SUMF1: variants seen among roughly 807,000 people sequenced by gnomAD.
SUMF1 encodes the protein sulfatase modifying factor 1, also known as formylglycine-generating enzyme.
A neutral mutation model predicts 47.6 loss-of-function variants in SUMF1; 48 were observed. That is an observed-to-expected ratio of 1.01 (90% CI 0.80 to 1.28). SUMF1 has a LOEUF of 1.28. Ranked by LOEUF, SUMF1 falls within the 50% of genes most tolerant of loss-of-function variation. The probability of loss-of-function intolerance (pLI) is 0.00; values close to 1 mark genes in which losing one functional copy is unlikely to be tolerated. For synonymous variants in SUMF1, 230 were observed against 192.1 expected, an observed-to-expected ratio of 1.20 and a Z score of -1.63; for missense variants, 571 against 485.4, an observed-to-expected ratio of 1.18 and a Z score of -1.66.
chr3:4,310,758 A>G (rs1698373864), intron 8 of SUMF1, among the ~76,000 whole-genome samples: 1 of 152,184 alleles, frequency 6.6e-6, no homozygotes, highest in Admixed American at 6.5e-5. Flanking sequence ...GTTGATTTTA[A>G]AAGAAGTTAT....
At chr3:4,464,431 T>TGAGA (rs376795994) in intron 1 of SUMF1, among the ~76,000 whole-genome samples, 3 of 151,132 alleles carry the variant, frequency 2.0e-5, no homozygotes, top group African/African-American at 4.9e-5. Flanking sequence ...TGTGTGTGTG[T>TGAGA]GAGAGAGAGA....
At chr3:4,060,091 G>C (rs558370810) in intron 9 of SUMF1, among the ~76,000 whole-genome samples, 1 of 152,310 alleles carries the variant, frequency 6.6e-6, no homozygotes, top group East Asian at 1.9e-4. Context: ...ATTTGAAGCA[G>C]AGGCTGATAA....
chr3:4,107,919 G>T (rs1693195011), intron 8 of SUMF1, among the ~76,000 whole-genome samples: 2 of 151,930 alleles, frequency 1.3e-5, no homozygotes, highest in South Asian at 4.2e-4. Flanking sequence ...TGAGCTGTTT[G>T]GTGTGGTATT....
intron 8 of SUMF1, among the ~76,000 whole-genome samples, chr3:4,145,402 T>C (rs573164000): frequency 1.3e-5 from 2 of 152,182 alleles, no homozygotes; most frequent in African/African-American, 2.4e-5. Flanking sequence ...CCCCATTACT[T>C]TGTGGGAAAG....
chr3:4,354,674 G>A (rs1254781525), intron 8 of SUMF1, among the ~76,000 whole-genome samples: 1 of 152,026 alleles, frequency 6.6e-6, no homozygotes, highest in Non-Finnish European at 1.5e-5. Context: ...GCTTTTCTAT[G>A]CAGTCTCTTT....
intron 7 of SUMF1, among the ~76,000 whole-genome samples, chr3:4,399,647 C>T (rs1701145107): frequency 6.6e-6 from 1 of 152,158 alleles, no homozygotes; most frequent in South Asian, 2.1e-4. Flanking sequence ...CCAGGGAGAG[C>T]CCAGGTCATG....
chr3:4,154,452 T>C (rs1694407808), intron 8 of SUMF1, among the ~76,000 whole-genome samples: 1 of 151,644 alleles, frequency 6.6e-6, no homozygotes, highest in South Asian at 2.1e-4. Flanking sequence ...ACCAACTATG[T>C]TCCAGTCACT....
chr3:4,159,204 T>C (rs1231082553), intron 8 of SUMF1, among the ~76,000 whole-genome samples: 1 of 151,478 alleles, frequency 6.6e-6, no homozygotes, highest in East Asian at 1.9e-4. Context: ...CTGGTTGTTT[T>C]GCAGTCTCCT....
chr3:4,131,194 A>G (rs1361030927), intron 8 of SUMF1, among the ~76,000 whole-genome samples: 1 of 152,172 alleles, frequency 6.6e-6, no homozygotes, highest in Non-Finnish European at 1.5e-5. Context: ...GAAGTGTGTC[A>G]TGCGCAGTAA....
At chr3:4,112,730 A>T (rs529652093) in intron 8 of SUMF1, among the ~76,000 whole-genome samples, 1 of 152,256 alleles carries the variant, frequency 6.6e-6, no homozygotes, top group South Asian at 2.1e-4. Flanking sequence ...AAGTGGAAAC[A>T]GCTGGAGAAA....
At chr3:4,365,052 C>A (rs1419155968) in intron 8 of SUMF1, among the ~76,000 whole-genome samples, 2 of 151,664 alleles carry the variant, frequency 1.3e-5, no homozygotes, top group African/African-American at 4.8e-5. Flanking sequence ...ATCCTGAGTT[C>A]TAGTTTGATT....
At chr3:4,296,227 G>A (rs1046176246) in intron 8 of SUMF1, among the ~76,000 whole-genome samples, 2 of 149,426 alleles carry the variant, frequency 1.3e-5, no homozygotes, top group African/African-American at 4.9e-5. Flanking sequence ...TTGTACTACT[G>A]TTTGATGTTA....
chr3:4,186,214 T>C (rs1247277244), intron 8 of SUMF1, among the ~76,000 whole-genome samples: 1 of 152,140 alleles, frequency 6.6e-6, no homozygotes, highest in Non-Finnish European at 1.5e-5. Flanking sequence ...GCAGATGCTG[T>C]ATGTCACAAA....
intron 9 of SUMF1, among the ~76,000 whole-genome samples, chr3:4,048,864 A>T (rs1452633758): frequency 6.6e-6 from 1 of 152,164 alleles, no homozygotes; most frequent in Non-Finnish European, 1.5e-5. Flanking sequence ...TGGATCCCTC[A>T]TGATGTTCTG....
At chr3:4,130,969 G>C (rs539753256) in intron 8 of SUMF1, among the ~76,000 whole-genome samples, 1 of 152,186 alleles carries the variant, frequency 6.6e-6, no homozygotes, top group East Asian at 1.9e-4. Context: ...TGGAGCCTTT[G>C]GCAGGCCCCC....
chr3:4,342,420 C>A (rs1699290653), intron 8 of SUMF1, among the ~76,000 whole-genome samples: 1 of 152,168 alleles, frequency 6.6e-6, no homozygotes, highest in African/African-American at 2.4e-5. Flanking sequence ...GTAGTCCCAG[C>A]TACTTGGGAG....
chr3:4,424,208 T>A (rs1165893082), intron 3 of SUMF1, among the ~76,000 whole-genome samples: 3 of 152,132 alleles, frequency 2.0e-5, no homozygotes, highest in Admixed American at 6.5e-5. Flanking sequence ...AGTACTATAG[T>A]TTTTTTATCT....
At chr3:4,284,474 A>AGGAGG (rs1559650524) in intron 8 of SUMF1, among the ~76,000 whole-genome samples, 10,237 of 118,624 alleles carry the variant, frequency 0.086, 1,359 homozygotes, top group Non-Finnish European at 0.12. Context: ...GGAGGAGGAG[A>AGGAGG]AGGAGGAGGA....
chr3:4,317,974 C>G (rs911783688), intron 8 of SUMF1, among the ~76,000 whole-genome samples: 4 of 152,110 alleles, frequency 2.6e-5, no homozygotes, highest in Non-Finnish European at 5.9e-5. Flanking sequence ...GAAAAAGTCA[C>G]TAAGAGGTGA....
Sources: gnomAD v4.1 joint callset for allele counts (sites outside exome capture counted in the v4.1 genomes callset) on GRCh38, gnomAD v4.1.1 for gene constraint, MANE v1.5 for transcripts, NCBI Gene and HGNC (gene_info 2026-07-23, HGNC 2026-07-21) for gene names.